Variants in LDLRAD3 observed in about 807,000 individuals in gnomAD.
LDLRAD3 encodes the protein low-density lipoprotein receptor class A domain-containing protein 3.
LDLRAD3 carries 20 observed loss-of-function variants against 29.4 expected under a neutral mutation model. The observed-to-expected ratio is 0.68, with a 90% CI of 0.48 to 0.99. LDLRAD3 has a LOEUF of 0.99. LDLRAD3 is among the 50% of genes least tolerant of loss of function. LDLRAD3 has a pLI of 0.00. For missense variants in LDLRAD3, 420 were observed against 454.3 expected, an observed-to-expected ratio of 0.92 and a Z score of 0.69; for synonymous variants, 157 against 192.7, an observed-to-expected ratio of 0.81 and a Z score of 1.53.
chr11:35,984,909 C>T (rs994444176), intron 1 of LDLRAD3, among the ~76,000 whole-genome samples: 2 of 150,952 alleles, frequency 1.3e-5, no homozygotes, highest in Admixed American at 6.6e-5. Flanking sequence ...GGATTACAGG[C>T]GTGAGCCACC....
At chr11:36,203,744 A>G (rs1855161498) in intron 4 of LDLRAD3, among the ~76,000 whole-genome samples, 1 of 152,188 alleles carries the variant, frequency 6.6e-6, no homozygotes, top group African/African-American at 2.4e-5. Context: ...TTTATTTAAC[A>G]TGGAGCACTT....
intron 1 of LDLRAD3, among the ~76,000 whole-genome samples, chr11:36,020,260 A>G (rs1207835894): frequency 6.6e-6 from 1 of 152,160 alleles, no homozygotes; most frequent in Non-Finnish European, 1.5e-5. Context: ...AGAAAATAAT[A>G]ATATGAATAA....
chr11:36,066,261 T>A (rs1274362162), intron 2 of LDLRAD3, among the ~76,000 whole-genome samples: 2 of 152,128 alleles, frequency 1.3e-5, no homozygotes, highest in African/African-American at 4.8e-5. Context: ...AAAGACTCTT[T>A]TTTTAGGTGG....
intron 2 of LDLRAD3, among the ~76,000 whole-genome samples, chr11:36,046,082 TGTTA>T (rs1323624043): frequency 1.3e-5 from 2 of 152,044 alleles, no homozygotes; most frequent in Non-Finnish European, 2.9e-5. Context: ...TCTGTTCCTG[TGTTA>T]GTTTGCTGAG....
chr11:35,967,633 TC>T, intron 1 of LDLRAD3: 1 of 469,334 alleles, frequency 2.1e-6, no homozygotes, highest in South Asian at 1.6e-5. Flanking sequence ...CTTCTGTGAC[TC>T]CAGAGGAGTC....
intron 1 of LDLRAD3, among the ~76,000 whole-genome samples, chr11:35,977,353 A>G (rs1397170479): frequency 2.0e-5 from 3 of 152,192 alleles, no homozygotes; most frequent in Non-Finnish European, 4.4e-5. Context: ...ACGCAGCCAC[A>G]TTTTGTTGCA....
intron 3 of LDLRAD3, among the ~76,000 whole-genome samples, chr11:36,084,693 A>T (rs1853169855): frequency 6.6e-6 from 1 of 152,200 alleles, no homozygotes; most frequent in Non-Finnish European, 1.5e-5. Flanking sequence ...TCCTAATGAA[A>T]AATGGGTCTA....
chr11:36,189,629 G>T (rs1854909389), intron 4 of LDLRAD3, among the ~76,000 whole-genome samples: 1 of 151,702 alleles, frequency 6.6e-6, no homozygotes, highest in South Asian at 2.1e-4. Flanking sequence ...TGCACAACAT[G>T]CAGGTTTGTT....
chr11:36,049,072 G>A (rs956961029), intron 2 of LDLRAD3, among the ~76,000 whole-genome samples: 17 of 152,140 alleles, frequency 1.1e-4, no homozygotes, highest in African/African-American at 2.7e-4. Flanking sequence ...TCTGGAATGA[G>A]TGTGGTCAGG....
At position 36,019,899 on chromosome 11, in the gene LDLRAD3, G is replaced by T. The variant is rs113096441; in HGVS notation, c.47-16204G>T. Among the ~76,000 whole-genome samples, 1,414 of 152,292 alleles carry T rather than the reference G, an allele frequency of 9.3e-3. 15 individuals are homozygous for T. The highest frequency in any genetic ancestry group is 0.032 in the African/African-American group (1,349 of 41,554). On this transcript the variant is annotated intron_variant, in intron 1 of 5. Transcript: ENST00000315571. ...CAGAAACAGAGGGCTGACTCAGAGA[G>T]GCGTTGTCACCTGCTGGATGCACTT...
intron 4 of LDLRAD3, among the ~76,000 whole-genome samples, chr11:36,165,676 G>A (rs1265866259): frequency 1.3e-5 from 2 of 152,078 alleles, no homozygotes; most frequent in African/African-American, 2.4e-5. Context: ...TTCTAGGAAA[G>A]TGCTCTTGAA....
At chr11:36,221,660 A>AC (rs1321394199) in intron 4 of LDLRAD3, among the ~76,000 whole-genome samples, 2 of 152,126 alleles carry the variant, frequency 1.3e-5, no homozygotes, top group Admixed American at 1.3e-4. Context: ...AGAAACTGAG[A>AC]TGCACCATCA....
chr11:36,104,483 T>C (rs1853497630), intron 4 of LDLRAD3, among the ~76,000 whole-genome samples: 1 of 152,198 alleles, frequency 6.6e-6, no homozygotes, highest in African/African-American at 2.4e-5. Context: ...TCAGGTGGGC[T>C]CCAATTCTCA....
In LDLRAD3 at chr11:36,227,442, A is replaced by G; in HGVS notation, c.800+12A>G. On this transcript the variant is annotated intron_variant, in intron 5 of 5. Coordinates refer to ENST00000315571, the MANE Select transcript of LDLRAD3 (RefSeq NM_174902.4). ...TTGCTGGACCAGAGGTGTGTGCTGG[A>G]TGGAAGAGATTGAGGCGGGAGAGGT... The G allele has an allele frequency of 2.0e-5, 30 of 1,531,916 alleles. No individual in the cohort carries two copies. The highest frequency in any genetic ancestry group is 2.5e-5 in the Non-Finnish European group (28 of 1,138,294). The allele number at this position is 1,531,916 out of a possible 1,614,324, so 94.9% of individuals were successfully genotyped here.
At chr11:36,223,856 C>A (rs574073616) in intron 4 of LDLRAD3, among the ~76,000 whole-genome samples, 1 of 151,552 alleles carries the variant, frequency 6.6e-6, no homozygotes, top group African/African-American at 2.4e-5. Flanking sequence ...CCCCCAGTTG[C>A]GAGAAGTTGG....
At chr11:36,127,995 C>T (rs2133302603) in intron 4 of LDLRAD3, among the ~76,000 whole-genome samples, 1 of 151,736 alleles carries the variant, frequency 6.6e-6, no homozygotes, top group African/African-American at 2.4e-5. Context: ...CCCAAAGCAG[C>T]CTCCTCCTGG....
At chr11:36,086,720 C>T (rs547924317) in intron 3 of LDLRAD3, among the ~76,000 whole-genome samples, 15 of 152,312 alleles carry the variant, frequency 9.8e-5, no homozygotes, top group African/African-American at 3.6e-4. Flanking sequence ...ACGGTAAACT[C>T]GCCACCATTT....
At chr11:36,176,808 T>G (rs1425232110) in intron 4 of LDLRAD3, among the ~76,000 whole-genome samples, 1 of 152,228 alleles carries the variant, frequency 6.6e-6, no homozygotes, top group East Asian at 1.9e-4. Context: ...TATCTTTTTG[T>G]GATGAATTTC....
At chr11:36,034,695 T>G (rs79899385) in intron 1 of LDLRAD3, among the ~76,000 whole-genome samples, 1 of 152,190 alleles carries the variant, frequency 6.6e-6, no homozygotes, top group African/African-American at 2.4e-5. Flanking sequence ...AAAATATTTT[T>G]AGTATCACCC....
Sources: gnomAD v4.1 joint callset for allele counts (sites outside exome capture counted in the v4.1 genomes callset) on GRCh38, gnomAD v4.1.1 for gene constraint, MANE v1.5 for transcripts, NCBI Gene and HGNC (gene_info 2026-07-23, HGNC 2026-07-21) for gene names.